Variants in RAPGEF2 observed in about 807,000 individuals in gnomAD.
The protein encoded by RAPGEF2 is PDZ domain containing guanine nucleotide exchange factor (GEF) 1.
RAPGEF2 carries 54 observed loss-of-function variants against 186.7 expected under a neutral mutation model. The observed-to-expected ratio is 0.29, with a 90% confidence interval of 0.23 to 0.36. The LOEUF (loss-of-function observed/expected upper bound fraction) is 0.36. RAPGEF2 is among the 10% of genes least tolerant of loss of function. The probability of loss-of-function intolerance (pLI) is 1.00; values close to 1 mark genes in which losing one functional copy is unlikely to be tolerated. For missense variants in RAPGEF2, 1,532 were observed against 2,045.0 expected, an observed-to-expected ratio of 0.75 and a Z score of 4.84; for synonymous variants, 712 against 705.9, an observed-to-expected ratio of 1.01 and a Z score of -0.14.
At chr4:159,178,340 C>T (rs1746656417) in intron 1 of RAPGEF2, among the ~76,000 whole-genome samples, 1 of 152,074 alleles carries the variant, frequency 6.6e-6, no homozygotes, top group African/African-American at 2.4e-5. Flanking sequence ...AATCTGCTCT[C>T]AGTTCTCCAA....
Position 159,104,138 on chromosome 4 carries a change from G to T in RAPGEF2, c.-25G>T. On this transcript the variant is annotated 5_prime_UTR_variant, in exon 1 of 30. Transcript: ENST00000691494. ...AGGAGGCCGGCCAGGGTGCGGAGCG[G>T]CCCCGGCCCGCTCCCAGAGGGGAGA... The T allele has an allele frequency of 6.6e-7, 1 of 1,504,968 alleles. No homozygotes were observed. Among genetic ancestry groups the T allele is most frequent in the South Asian group, 1.2e-5 (1 of 82,560 alleles). The allele number at this position is 1,504,968 out of a possible 1,614,324, so 93.2% of individuals were successfully genotyped here.
chr4:159,157,775 C>T (rs545528081), intron 1 of RAPGEF2, among the ~76,000 whole-genome samples: 1 of 152,152 alleles, frequency 6.6e-6, no homozygotes. Context: ...AAAAACACTC[C>T]CAACATATCT....
At chr4:159,167,482 T>TG (rs1472516595) in intron 1 of RAPGEF2, among the ~76,000 whole-genome samples, 1 of 152,132 alleles carries the variant, frequency 6.6e-6, no homozygotes, top group Non-Finnish European at 1.5e-5. Flanking sequence ...GTACCTAACA[T>TG]GGAGAGACTG....
At chr4:159,227,037 G>A (rs1217183075) in intron 4 of RAPGEF2, among the ~76,000 whole-genome samples, 1 of 152,106 alleles carries the variant, frequency 6.6e-6, no homozygotes. Flanking sequence ...CTGAATTTTT[G>A]TTGAGGTTCA....
In RAPGEF2 at chr4:159,166,747, A is replaced by T. The variant is rs887388396; in HGVS notation, c.70-19895A>T. 1.2e-4 allele frequency among the ~76,000 whole-genome samples: 19 copies of T among 152,352 alleles called. No homozygotes were observed. In the South Asian group the frequency reaches 2.3e-3, roughly 18 times the overall value. ...TATACATTAAAAAAACCGACAATAA[A>T]AATGAACATATGAAAACTTCCTTAT... On this transcript the variant is annotated intron_variant, in intron 1 of 29. Transcript: ENST00000691494.
intron 1 of RAPGEF2, among the ~76,000 whole-genome samples, chr4:159,169,291 CTGT>C (rs1215394608): frequency 6.6e-6 from 1 of 152,164 alleles, no homozygotes; most frequent in Non-Finnish European, 1.5e-5. Context: ...TCAAATTCTG[CTGT>C]TCTCTTGTTT....
At chr4:159,281,905 T>C (rs1759771587) in intron 7 of RAPGEF2, among the ~76,000 whole-genome samples, 1 of 152,124 alleles carries the variant, frequency 6.6e-6, no homozygotes, top group African/African-American at 2.4e-5. Flanking sequence ...ACTGTAAAGC[T>C]TATGTGAATG....
intron 17 of RAPGEF2, among the ~76,000 whole-genome samples, chr4:159,337,569 A>AT (rs1767600391): frequency 6.6e-6 from 1 of 151,922 alleles, no homozygotes; most frequent in African/African-American, 2.4e-5. Context: ...AACTACTAAT[A>AT]TTTTTTATGG....
intron 1 of RAPGEF2, among the ~76,000 whole-genome samples, chr4:159,151,327 T>C (rs1249372525): frequency 6.6e-6 from 1 of 152,190 alleles, no homozygotes; most frequent in Non-Finnish European, 1.5e-5. Context: ...TTGGTGCAGG[T>C]CAGCTGAGTT....
At chr4:159,272,815 A>AGT (rs1758283846) in intron 7 of RAPGEF2, among the ~76,000 whole-genome samples, 1 of 152,204 alleles carries the variant, frequency 6.6e-6, no homozygotes, top group South Asian at 2.1e-4. Flanking sequence ...CAGGTGATGG[A>AGT]GTGGAGGATG....
chr4:159,142,680 ATTTTC>A (rs1419495588), intron 1 of RAPGEF2, among the ~76,000 whole-genome samples: 5 of 152,178 alleles, frequency 3.3e-5, no homozygotes, highest in African/African-American at 1.2e-4. Flanking sequence ...GCCTTTAAAA[ATTTTC>A]TTTTCAGTTT....
At chr4:159,209,145 G>A (rs7434410) in intron 3 of RAPGEF2, among the ~76,000 whole-genome samples, 74,444 of 144,180 alleles carry the variant, frequency 0.52, 20,893 homozygotes, top group East Asian at 0.8. Context: ...GCCTGCCTGA[G>A]CCTCCCAAAG....
intron 1 of RAPGEF2, 146 bp downstream of exon 1, chr4:159,104,377 A>C (rs1737545755): frequency 4.8e-6 from 2 of 412,684 alleles, no homozygotes; most frequent in African/African-American, 2.3e-5. Flanking sequence ...AAGGCATCCC[A>C]CCTCCGAGTC....
intron 14 of RAPGEF2, 35 bp from the exon 15 acceptor site, chr4:159,331,595 C>T (rs2111205087): frequency 6.2e-7 from 1 of 1,611,652 alleles, no homozygotes; most frequent in East Asian, 2.2e-5. Flanking sequence ...TCAGCCTGTT[C>T]TTGAGTTGAC....
At chr4:159,178,838 C>T (rs1193070066) in intron 1 of RAPGEF2, among the ~76,000 whole-genome samples, 1 of 152,080 alleles carries the variant, frequency 6.6e-6, no homozygotes, top group African/African-American at 2.4e-5. Flanking sequence ...GGATTACAGG[C>T]GTGAGCCACC....
chr4:159,182,413 T>TG (rs1747118046), intron 1 of RAPGEF2, among the ~76,000 whole-genome samples: 4 of 123,114 alleles, frequency 3.2e-5, no homozygotes, highest in Non-Finnish European at 6.8e-5. Context: ...TTTTTTTTTT[T>TG]GATACAGAGT....
chr4:159,283,690 A>G (rs1012916301), intron 7 of RAPGEF2, among the ~76,000 whole-genome samples: 1 of 152,188 alleles, frequency 6.6e-6, no homozygotes, highest in Admixed American at 6.5e-5. Context: ...AAGTTTTTTA[A>G]TATATTGAAG....
At chr4:159,319,790 G>A (rs916432429) in intron 9 of RAPGEF2, among the ~76,000 whole-genome samples, 4 of 151,136 alleles carry the variant, frequency 2.6e-5, no homozygotes, top group African/African-American at 9.7e-5. Context: ...AATGCTAGCC[G>A]CTACTTATAT....
At chr4:159,352,477 C>T (rs1580067873) in intron 26 of RAPGEF2, 2 of 506,748 alleles carry the variant, frequency 3.9e-6, no homozygotes, top group East Asian at 3.2e-5. Flanking sequence ...TTCTTTTTTC[C>T]TCTCTAAACT....
Sources: allele counts gnomAD v4.1 joint callset (sites outside exome capture counted in the v4.1 genomes callset), GRCh38; gene constraint gnomAD v4.1.1; transcripts MANE v1.5; gene names NCBI Gene and HGNC (gene_info 2026-07-23, HGNC 2026-07-21).